FRS2: variants seen among roughly 807,000 people sequenced by gnomAD.
FRS2 encodes FGFR signalling adaptor.
A neutral mutation model predicts 43.9 loss-of-function variants in FRS2; 8 were observed. The ratio of observed to expected loss-of-function variants is 0.18; its 90% CI spans 0.11 to 0.33. The LOEUF (loss-of-function observed/expected upper bound fraction) is 0.33, where lower values mean the gene tolerates loss of function less well. FRS2 is among the 10% of genes least tolerant of loss of function. The pLI, the probability that FRS2 is intolerant of heterozygous loss-of-function variation, is 1.00. For synonymous variants in FRS2, 219 were observed against 220.3 expected (o/e 0.99, Z 0.05); for missense variants, 534 against 627.6 (o/e 0.85, Z 1.59).
rs780326498 is a variant in FRS2 at position 69,574,103 on chromosome 12, C to T, written c.675C>T (p.Ser225=). The T allele has an allele frequency of 6.2e-7, 1 of 1,614,064 alleles. No individual in the cohort carries two copies. Among genetic ancestry groups the T allele is most frequent in the South Asian group, 1.1e-5 (1 of 91,090 alleles). The part of the protein sequence containing the change: ...PLEARVSNAE[S]STPKEEPSSI... ...AGGCGAGGGTTTCTAACGCTGAAAG[C>T]AGCACACCAAAAGAAGAACCAAGTA... Residue 225 remains serine (S), a synonymous_variant, in exon 9 of 9, where the codon AGC becomes AGT. Transcript: ENST00000549921.
chr12:69,515,431 C>A (rs963320388), intron 1 of FRS2, among the ~76,000 whole-genome samples: 47 of 152,164 alleles, frequency 3.1e-4, no homozygotes, highest in African/African-American at 1.0e-3. Context: ...AGACTACAAC[C>A]TGATAAAATG....
intron 1 of FRS2, among the ~76,000 whole-genome samples, chr12:69,496,386 G>A (rs1037774446): frequency 3.9e-5 from 6 of 151,998 alleles, no homozygotes; most frequent in East Asian, 1.9e-4. Flanking sequence ...GCAGTGAGCC[G>A]AGATCGCGCC....
intron 3 of FRS2, among the ~76,000 whole-genome samples, chr12:69,556,181 G>A (rs553614704): frequency 1.5e-4 from 23 of 152,180 alleles, no homozygotes; most frequent in African/African-American, 1.9e-4. Flanking sequence ...GATTACAGGC[G>A]TAAGCCAGCA....
chr12:69,538,586 G>A (rs975115923), intron 3 of FRS2, among the ~76,000 whole-genome samples: 1 of 151,942 alleles, frequency 6.6e-6, no homozygotes, highest in East Asian at 1.9e-4. Context: ...TGTGTGTGGG[G>A]GTGGTATGTG....
At chr12:69,479,935 T>G (rs1871208455) in intron 1 of FRS2, among the ~76,000 whole-genome samples, 1 of 152,230 alleles carries the variant, frequency 6.6e-6, no homozygotes, top group Admixed American at 6.5e-5. Flanking sequence ...TTAGATCTTC[T>G]TACTCTACCT....
At chr12:69,572,341 G>A in intron 8 of FRS2, 60 bp downstream of exon 8, 4 of 1,258,286 alleles carry the variant, frequency 3.2e-6, no homozygotes, top group Non-Finnish European at 4.5e-6. Context: ...GTATCACTGT[G>A]CTAATACTGG....
At chr12:69,525,079 G>T (rs1162799899) in intron 1 of FRS2, among the ~76,000 whole-genome samples, 2 of 152,062 alleles carry the variant, frequency 1.3e-5, no homozygotes, top group Non-Finnish European at 2.9e-5. Flanking sequence ...CCAGTCCCTT[G>T]GTGGGAGCTG....
intron 3 of FRS2, among the ~76,000 whole-genome samples, chr12:69,535,351 C>T (rs906848801): frequency 5.3e-5 from 8 of 151,896 alleles, no homozygotes; most frequent in Non-Finnish European, 1.2e-4. Flanking sequence ...GTTTTTTATC[C>T]TTTTTTGTTA....
Position 69,573,989 on chromosome 12 carries a change from TTC to T in FRS2, c.577-14_577-13del, listed in dbSNP as rs752341861. On this transcript the variant is annotated splice_polypyrimidine_tract_variant and intron_variant, in intron 8 of 8. Transcript: ENST00000549921. ...TTTTAAGTAAGTTAACTAATTCACT[TTC>T]TGTTTTGTTTTAGGTACATACCTAT... is the stretch of plus-strand genomic sequence containing the variant. 3.9e-6 allele frequency: 6 copies of T among 1,529,524 alleles called. No homozygotes were observed. Among genetic ancestry groups the T allele is most frequent in the Admixed American group, 2.1e-5 (1 of 47,408 alleles). 94.7% of individuals were successfully genotyped at this position (1,529,524 alleles called of 1,614,324 possible).
intron 3 of FRS2, among the ~76,000 whole-genome samples, chr12:69,545,449 A>G (rs560766838): frequency 3.3e-5 from 5 of 152,262 alleles, no homozygotes; most frequent in South Asian, 2.1e-4. Context: ...ATATAGCCCA[A>G]TGGAATAGAG....
rs368374419 is a variant in FRS2, at chr12:69,524,024, G to A, written c.-260-6841G>A. ...TGGCAAGGTGCTAGCCAGCGCCGGG[G>A]TGCCAGCCTCCATGCAGGCATTTGC... is the stretch of plus-strand genomic sequence containing the variant. On this transcript the variant is annotated intron_variant, in intron 1 of 8. Coordinates refer to ENST00000549921, the MANE Select transcript of FRS2 (RefSeq NM_001278356.2). Among the ~76,000 whole-genome samples, 4 of 152,334 alleles carry A rather than the reference G, an allele frequency of 2.6e-5. No homozygotes were observed. In the South Asian group the frequency reaches 8.3e-4, roughly 32 times the overall value.
intron 1 of FRS2, among the ~76,000 whole-genome samples, chr12:69,521,369 G>A (rs370449391): frequency 9.2e-5 from 14 of 152,110 alleles, no homozygotes; most frequent in South Asian, 2.1e-4. Context: ...TGACTTCCTC[G>A]CCTCCTATTT....
chr12:69,500,194 G>A (rs11177694), intron 1 of FRS2, among the ~76,000 whole-genome samples: 29,206 of 151,982 alleles, frequency 0.19, 2,974 homozygotes, highest in Middle Eastern at 0.29. Context: ...TAAATTCTCT[G>A]AGCCTAAATC....
intron 3 of FRS2, among the ~76,000 whole-genome samples, chr12:69,552,941 G>A (rs1879025107): frequency 6.6e-6 from 1 of 151,800 alleles, no homozygotes. Context: ...TGTTTATTAA[G>A]TGGTGGTTCT....
In FRS2 at chr12:69,571,430, T is replaced by C. The variant is rs1880745711; in HGVS notation, c.408T>C (p.Pro136=). The change falls in exon 7 of 9, where the codon CCT becomes CCC. Residue 136 remains proline (P), a synonymous_variant. Coordinates refer to ENST00000549921, the MANE Select transcript of FRS2 (RefSeq NM_001278356.2). Reference sequence around the variant, plus strand: ...AAGTCCCTAGAACACCTCGAACACCTACAAGTAAGTACCCCTTTTCCCTTT... The same window carrying C: ...AAGTCCCTAGAACACCTCGAACACCCACAAGTAAGTACCCCTTTTCCCTTT... ...ELEVPRTPRT[P]TTPGFAAQNL... The C allele has an allele frequency of 1.2e-6, 2 of 1,608,764 alleles. No homozygotes were observed. Among genetic ancestry groups the C allele is most frequent in the Non-Finnish European group, 1.7e-6 (2 of 1,176,436 alleles).
At chr12:69,553,234 G>A (rs960845985) in intron 3 of FRS2, among the ~76,000 whole-genome samples, 4 of 151,918 alleles carry the variant, frequency 2.6e-5, no homozygotes, top group African/African-American at 9.7e-5. Context: ...TCCACGCCCG[G>A]CTAATTTTTT....
chr12:69,507,242 A>G (rs1874023183), intron 1 of FRS2, among the ~76,000 whole-genome samples: 1 of 152,178 alleles, frequency 6.6e-6, no homozygotes, highest in Non-Finnish European at 1.5e-5. Context: ...CCTTGAGTGC[A>G]GGAGGAGTAT....
intron 1 of FRS2, among the ~76,000 whole-genome samples, chr12:69,494,330 A>G (rs1490785071): frequency 6.6e-6 from 1 of 152,196 alleles, no homozygotes; most frequent in Non-Finnish European, 1.5e-5. Context: ...GGTAACTAAC[A>G]TTTGTAGAGT....
chr12:69,570,451 C>T lies in FRS2; in HGVS notation c.187C>T (p.Arg63Ter). 1.2e-6 allele frequency: 2 copies of T among 1,612,050 alleles called. No individual in the cohort carries two copies. Among genetic ancestry groups the T allele is most frequent in the Non-Finnish European group, 1.7e-6 (2 of 1,178,172 alleles). Reference sequence around the variant, plus strand: ...AGTAAAATGGCACTACCTCTGCCTGCGACGCTATGGCTATGACTCGAATCT... The same window carrying T: ...AGTAAAATGGCACTACCTCTGCCTGTGACGCTATGGCTATGACTCGAATCT... ...DSVKWHYLCLRRYGYDSNLFS... is the reference protein window; with the variant it reads ...DSVKWHYLCL The change falls in exon 6 of 9, where the codon CGA (arginine) becomes TGA (stop). Residue 63 changes from arginine to a stop codon, truncating the protein, a stop_gained. Transcript: ENST00000549921. LOFTEE classifies it high-confidence loss of function.
Sources: gnomAD v4.1 joint callset for allele counts (sites outside exome capture counted in the v4.1 genomes callset) on GRCh38, gnomAD v4.1.1 for gene constraint, MANE v1.5 for transcripts, NCBI Gene and HGNC (gene_info 2026-07-23, HGNC 2026-07-21) for gene names.